Variants in EFHC1 observed in about 807,000 individuals in gnomAD.
EFHC1 encodes the protein EF-hand domain-containing protein 1.
In EFHC1, 53 loss-of-function variants were observed where a neutral mutation model predicts 69.9. The ratio of observed to expected loss-of-function variants is 0.76; its 90% CI spans 0.61 to 0.95. The LOEUF (loss-of-function observed/expected upper bound fraction) is 0.95. EFHC1 is among the 40% of genes least tolerant of loss of function. The pLI is 0.00. For synonymous variants in EFHC1, 256 were observed against 278.4 expected (o/e 0.92, Z 0.80); for missense variants, 739 against 798.7 (o/e 0.93, Z 0.90).
chr6:52,484,624 T>C (rs1765749407), intron 9 of EFHC1: 1 of 152,156 alleles, frequency 6.6e-6, no homozygotes, highest in Non-Finnish European at 1.5e-5. Flanking sequence ...AAAAGACAAA[T>C]AATGACTAAG....
At chr6:52,440,373 C>T (rs1431761222) in intron 3 of EFHC1, among the ~76,000 whole-genome samples, 5 of 152,082 alleles carry the variant, frequency 3.3e-5, no homozygotes, top group Non-Finnish European at 5.9e-5. Context: ...TTACAGCCTT[C>T]TTGTGCTTAG....
At chr6:52,452,945 G>A in intron 4 of EFHC1, 108 bp downstream of exon 4, 1 of 1,599,596 alleles carries the variant, frequency 6.3e-7, no homozygotes, top group South Asian at 1.1e-5. Flanking sequence ...AAACATTACA[G>A]CTATAATTGA....
At chr6:52,453,683 CA>C (rs1562452892) in intron 4 of EFHC1, 13 of 1,250,920 alleles carry the variant, frequency 1.0e-5, no homozygotes, top group Admixed American at 2.9e-5. Flanking sequence ...TTGATGGGAC[CA>C]AAAAAAGACT....
chr6:52,464,823 G>A lies in EFHC1; in HGVS notation c.917-72G>A, dbSNP rs114196074. On this transcript the variant is annotated intron_variant, in intron 5 of 10. Coordinates refer to ENST00000371068, the MANE Select transcript of EFHC1 (RefSeq NM_018100.4). ...TCCCTCAGGTTCTCAAGAATGCCTG[G>A]CAGTTGTGTGTCAAGTCTTTCTTGA... The A allele has an allele frequency of 1.2e-3, 1,584 of 1,335,798 alleles. 17 individuals are homozygous for A. In the African/African-American group the frequency reaches 0.019, roughly 16 times the overall value. 82.7% of individuals were successfully genotyped at this position (1,335,798 alleles called of 1,614,324 possible).
At chr6:52,421,094 TG>T in intron 1 of EFHC1, 1 of 952,864 alleles carries the variant, frequency 1.0e-6, no homozygotes, top group Non-Finnish European at 1.3e-6. Context: ...TCTTTATGCT[TG>T]CATCCAACCC....
Position 52,459,115 on chromosome 6 carries a change from G to C in EFHC1, c.916+4828G>C, listed in dbSNP as rs141882706. On this transcript the variant is annotated intron_variant, in intron 5 of 10. Transcript: ENST00000371068. ...CAAGGGTTGAAGAACTACCTATCAG[G>C]TACTGTGTTCACTATTTGGGTGACA... Among the ~76,000 whole-genome samples the C allele has an allele frequency of 1.3e-3, 202 of 152,242 alleles. 3 individuals are homozygous for C. Among genetic ancestry groups the C allele is most frequent in the Admixed American group, 0.012 (189 of 15,300 alleles).
At chr6:52,481,477 T>G (rs1184848212) in intron 9 of EFHC1, 1 of 150,950 alleles carries the variant, frequency 6.6e-6, no homozygotes, top group Non-Finnish European at 1.5e-5. Flanking sequence ...TGGCATATAG[T>G]GATATTTTAG....
chr6:52,461,418 G>A (rs1562455818), intron 5 of EFHC1, among the ~76,000 whole-genome samples: 1 of 152,104 alleles, frequency 6.6e-6, no homozygotes, highest in South Asian at 2.1e-4. Flanking sequence ...TTTTATGGCT[G>A]CATAGTATTC....
At chr6:52,437,053 C>T (rs960124270) in intron 2 of EFHC1, among the ~76,000 whole-genome samples, 1 of 152,096 alleles carries the variant, frequency 6.6e-6, no homozygotes, top group Non-Finnish European at 1.5e-5. Context: ...ATATATGTTC[C>T]TGAGCACAAG....
chr6:52,449,554 G>T lies in EFHC1; in HGVS notation c.574-3134G>T, dbSNP rs1193133746. ...CAGTTTCTTCCTAGTTCAGTCTTGG[G>T]TGAGTGTATGTGTCCAGGAATTTAT... On this transcript the variant is annotated intron_variant, in intron 3 of 10. Transcript: ENST00000371068. 6.6e-5 allele frequency among the ~76,000 whole-genome samples: 10 copies of T among 152,146 alleles called. No individual in the cohort carries two copies. The East Asian group carries it at 1.5e-3, about 23-fold the overall frequency.
Position 52,495,863 on chromosome 6 carries a change from C to T in EFHC1, c.*3522C>T, listed in dbSNP as rs952505315. ...AGAAGCTGAGATCTGACAGCACCAACACAAGGTATAAAAGAGATTTCATGA... is the reference window on the plus strand; with the variant it reads ...AGAAGCTGAGATCTGACAGCACCAATACAAGGTATAAAAGAGATTTCATGA... On this transcript the variant is annotated 3_prime_UTR_variant, in exon 11 of 11. Transcript: ENST00000371068. 3 of 341,222 alleles carry T rather than the reference C, an allele frequency of 8.8e-6. No individual in the cohort carries two copies. The highest frequency in any genetic ancestry group is 1.0e-3 in the Middle Eastern group (1 of 984). 21.1% of individuals were successfully genotyped at this position (341,222 alleles called of 1,614,324 possible).
chr6:52,447,612 C>T (rs1388552590), intron 3 of EFHC1, among the ~76,000 whole-genome samples: 2 of 152,282 alleles, frequency 1.3e-5, no homozygotes, highest in East Asian at 1.9e-4. Context: ...CCATTGCTGG[C>T]GAGGAGCTGC....
intron 7 of EFHC1, among the ~76,000 whole-genome samples, chr6:52,470,683 C>G (rs1268333399): frequency 6.6e-6 from 1 of 152,038 alleles, no homozygotes; most frequent in African/African-American, 2.4e-5. Context: ...GATGAAGAAC[C>G]AGTATAATAC....
At chr6:52,438,937 TTAAGTG>T (rs2113980050) in intron 3 of EFHC1, among the ~76,000 whole-genome samples, 1 of 152,320 alleles carries the variant, frequency 6.6e-6, no homozygotes, top group East Asian at 1.9e-4. Context: ...ACGTTTTATC[TTAAGTG>T]TGAGTTTACA....
chr6:52,433,471 T>C (rs1352769888), intron 2 of EFHC1, among the ~76,000 whole-genome samples: 1 of 152,304 alleles, frequency 6.6e-6, no homozygotes, highest in African/African-American at 2.4e-5. Flanking sequence ...ATCCAGCAAG[T>C]CTGCCAGGCT....
At chr6:52,486,144 GA>G (rs1321409664) in intron 9 of EFHC1, 1 of 152,198 alleles carries the variant, frequency 6.6e-6, no homozygotes, top group African/African-American at 2.4e-5. Flanking sequence ...CATGAAAGGG[GA>G]TCATGAGTAC....
At position 52,492,271 on chromosome 6, in the gene EFHC1, T is replaced by A; in HGVS notation, c.1853T>A (p.Leu618Ter). The change falls in exon 11 of 11, where the codon TTA becomes TAA. Residue 618 changes from leucine (L) to a stop codon, truncating the protein, a stop_gained and splice_region_variant. Coordinates refer to ENST00000371068, the MANE Select transcript of EFHC1 (RefSeq NM_018100.4). LOFTEE classifies it high-confidence loss of function. The part of the protein sequence containing the change: ...VPVDDSLVKE[L>*]IRMCSHGEGK... ...CTATTCTCTTTGCTCTCTCTGCAGT[T>A]AATCAGGATGTGCTCTCATGGAGAA... 6.2e-7 allele frequency: 1 copy of A among 1,613,944 alleles called. No individual in the cohort carries two copies. The highest frequency in any genetic ancestry group is 8.5e-7 in the Non-Finnish European group (1 of 1,179,880).
In EFHC1 at chr6:52,438,607, T is replaced by G; in HGVS notation, c.573+16T>G. ...ATTCACACAGGTATAGCATATATTT[T>G]TGAAAGTTGTGGGGTCTGAGGCATC... On this transcript the variant is annotated intron_variant, in intron 3 of 10. Coordinates refer to ENST00000371068, the MANE Select transcript of EFHC1 (RefSeq NM_018100.4). 1 of 1,613,740 alleles carries G rather than the reference T, an allele frequency of 6.2e-7. No individual in the cohort carries two copies. The highest frequency in any genetic ancestry group is 2.2e-5 in the East Asian group (1 of 44,882).
chr6:52,441,896 C>T (rs1169783467), intron 3 of EFHC1, among the ~76,000 whole-genome samples: 1 of 152,090 alleles, frequency 6.6e-6, no homozygotes, highest in African/African-American at 2.4e-5. Flanking sequence ...ATTTTACTCT[C>T]AGCTTGGCTG....
Sources: allele counts gnomAD v4.1 joint callset (sites outside exome capture counted in the v4.1 genomes callset), GRCh38; gene constraint gnomAD v4.1.1; transcripts MANE v1.5; gene names NCBI Gene and HGNC (gene_info 2026-07-23, HGNC 2026-07-21).